PPP1R15B: variants seen among roughly 807,000 people sequenced by gnomAD.
The protein encoded by PPP1R15B is protein phosphatase 1 regulatory subunit 15B, also known as protein phosphatase 1, regulatory (inhibitor) subunit 15B.
Under a neutral mutation model 53.9 loss-of-function variants are expected in PPP1R15B, and 31 were observed. The ratio of observed to expected loss-of-function variants is 0.58; its 90% CI spans 0.43 to 0.78. The LOEUF is 0.78. Ranked by LOEUF, PPP1R15B falls within the 30% of genes least tolerant of loss-of-function variation. The pLI, the probability that PPP1R15B is intolerant of heterozygous loss-of-function variation, is 0.00. For synonymous variants in PPP1R15B, 345 were observed against 329.1 expected (o/e 1.05, Z -0.52); for missense variants, 928 against 849.6 (o/e 1.09, Z -1.15).
downstream of PPP1R15B, among the ~76,000 whole-genome samples, chr1:204,401,321 C>A (rs1297878525): frequency 1.3e-5 from 2 of 152,212 alleles, no homozygotes; most frequent in Non-Finnish European, 2.9e-5. Flanking sequence ...GCTGCCAACA[C>A]AGACTTAAGT....
At chr1:204,401,267 C>T (rs1478758342), downstream of PPP1R15B, among the ~76,000 whole-genome samples, 3 of 152,170 alleles carry the variant, frequency 2.0e-5, no homozygotes, top group African/African-American at 4.8e-5. Context: ...AAGAGATTTA[C>T]GTATCCTCTT....
chr1:204,405,873 G>A lies in PPP1R15B; in HGVS notation c.*219C>T. Reference sequence around the variant, plus strand: ...ACATCCAACTAAATCAAAAAAGGGAGGATTAGAAATCACACTAGTTCATCC... The same window carrying A: ...ACATCCAACTAAATCAAAAAAGGGAAGATTAGAAATCACACTAGTTCATCC... On this transcript the variant is annotated 3_prime_UTR_variant, in exon 2 of 2. Transcript: ENST00000367188. The A allele has an allele frequency of 4.6e-6, 6 of 1,305,970 alleles. No homozygotes were observed. Among genetic ancestry groups the A allele is most frequent in the Non-Finnish European group, 4.9e-6 (5 of 1,025,862 alleles). 80.9% of individuals were successfully genotyped at this position (1,305,970 alleles called of 1,614,324 possible).
In PPP1R15B at chr1:204,406,300, T is replaced by C; in HGVS notation, c.1934A>G (p.Glu645Gly). Reference protein sequence around the residue: ...HVKRKKVTFLEEVTEYYISGD... With the variant: ...HVKRKKVTFLGEVTEYYISGD... ...ACTTATATAATACTCAGTAACTTCT[T>C]CAAGGAAGGTTACCTACAAAAACAA... Residue 645 changes from glutamate to glycine, a missense_variant, in exon 2 of 2, where the codon GAA becomes GGA. Physicochemically the swap from Glu to Gly is moderately conservative, Grantham distance 98. Coordinates refer to ENST00000367188, the MANE Select transcript of PPP1R15B (RefSeq NM_032833.5). 1 of 1,613,844 alleles carries C rather than the reference T, an allele frequency of 6.2e-7. No homozygotes were observed. The highest frequency in any genetic ancestry group is 8.5e-7 in the Non-Finnish European group (1 of 1,179,804).
downstream of PPP1R15B, among the ~76,000 whole-genome samples, chr1:204,399,812 A>T (rs1273055405): frequency 6.6e-6 from 1 of 152,146 alleles, no homozygotes; most frequent in African/African-American, 2.4e-5. Flanking sequence ...CTTTGAGGTG[A>T]TTATTTGAGA....
intron 1 of PPP1R15B, among the ~76,000 whole-genome samples, chr1:204,407,351 C>T (rs2103445302): frequency 6.6e-6 from 1 of 152,246 alleles, no homozygotes; most frequent in East Asian, 1.9e-4. Context: ...TATGCTATCA[C>T]TATATATGAA....
chr1:204,410,595 C>G lies in PPP1R15B; in HGVS notation c.817G>C (p.Glu273Gln). ...CCCTGCCACGAGGCCGGAATGAGTTCTGCACTCAGCGGCTGGGGATGACAA... is the reference window on the plus strand; with the variant it reads ...CCCTGCCACGAGGCCGGAATGAGTTGTGCACTCAGCGGCTGGGGATGACAA... ...DHCHPQPLSAELIPASWQGCP... is the reference protein window; with the variant it reads ...DHCHPQPLSAQLIPASWQGCP... The change falls in exon 1 of 2, where the codon GAA becomes CAA. Residue 273 changes from glutamate (E) to glutamine (Q), a missense_variant. Glu to Gln is a conservative substitution (Grantham distance 29). Transcript: ENST00000367188. 3.7e-6 allele frequency: 6 copies of G among 1,613,978 alleles called. No individual in the cohort carries two copies. The highest frequency in any genetic ancestry group is 5.1e-6 in the Non-Finnish European group (6 of 1,179,912).
chr1:204,409,695 C>G lies in PPP1R15B; in HGVS notation c.1717G>C (p.Ala573Pro), dbSNP rs749898755. 57 of 1,613,876 alleles carry G rather than the reference C, an allele frequency of 3.5e-5. No individual in the cohort carries two copies. The highest frequency in any genetic ancestry group is 3.0e-4 in the Admixed American group (18 of 59,982). Residue 573 changes from alanine (A) to proline (P), a missense_variant, in exon 1 of 2, where the codon GCT becomes CCT. Physicochemically the swap from Ala to Pro is conservative, Grantham distance 27 (BLOSUM62 -1). Transcript: ENST00000367188. ...DDPYNPLNFK[A>P]PFQTSGENEK... ...TTTTCCCCTGATGTTTGAAAAGGAG[C>G]CTTAAAATTTAAAGGGTTGTAGGGG...
Position 204,411,254 on chromosome 1 carries a change from G to C in PPP1R15B, c.158C>G (p.Ser53Cys), listed in dbSNP as rs1558217780. Reference sequence around the variant, plus strand: ...ACTGACCCGAGTCTCGGGCTGGGCAGAGGAAAGCAGTGTGGGGTTCCCGGA... The same window carrying C: ...ACTGACCCGAGTCTCGGGCTGGGCACAGGAAAGCAGTGTGGGGTTCCCGGA... ...ENSGNPTLLS[S>C]AQPETRVSYW... Residue 53 changes from serine to cysteine, a missense_variant, in exon 1 of 2, where the codon TCT (serine) becomes TGT (cysteine). By Grantham distance (112) the Ser-to-Cys change is moderately radical (BLOSUM62 -1). Transcript: ENST00000367188. 6.2e-7 allele frequency: 1 copy of C among 1,614,268 alleles called. No individual in the cohort carries two copies. Among genetic ancestry groups the C allele is most frequent in the Non-Finnish European group, 8.5e-7 (1 of 1,180,044 alleles).
chr1:204,403,565 G>A lies in PPP1R15B; in HGVS notation c.*2527C>T. ...CTTAAATTATACAAAAATAAAATCT[G>A]ATAGTTTTGATTTCAAGTTAAAGAT... On this transcript the variant is annotated 3_prime_UTR_variant, in exon 2 of 2. Transcript: ENST00000367188. 2.0e-6 allele frequency: 2 copies of A among 982,122 alleles called. No individual in the cohort carries two copies. 60.8% of individuals were successfully genotyped at this position (982,122 alleles called of 1,614,324 possible).
downstream of PPP1R15B, among the ~76,000 whole-genome samples, chr1:204,400,220 C>G (rs1415355645): frequency 1.6e-5 from 2 of 124,836 alleles, no homozygotes; most frequent in Non-Finnish European, 3.2e-5. Context: ...GCCTGGGTGA[C>G]AGTGAGACAC....
downstream of PPP1R15B, among the ~76,000 whole-genome samples, chr1:204,397,768 T>C (rs1241263077): frequency 6.6e-6 from 1 of 152,080 alleles, no homozygotes; most frequent in Non-Finnish European, 1.5e-5. Context: ...CATAATGAAG[T>C]GCCTTTCATA....
At chr1:204,402,729 G>C (rs553496142), downstream of PPP1R15B, among the ~76,000 whole-genome samples, 92 of 151,414 alleles carry the variant, frequency 6.1e-4, no homozygotes, top group Middle Eastern at 3.4e-3. Context: ...GCCCACTTTT[G>C]TAAATGAGAG....
At chr1:204,397,797 C>T (rs538733105), downstream of PPP1R15B, among the ~76,000 whole-genome samples, 6 of 151,894 alleles carry the variant, frequency 4.0e-5, 1 homozygote, top group African/African-American at 7.2e-5. Context: ...AATGTTTCAG[C>T]GAACCTTAGG....
chr1:204,404,128 C>T lies in PPP1R15B; in HGVS notation c.*1964G>A. The T allele has an allele frequency of 1.0e-6, 1 of 985,362 alleles. No homozygotes were observed. The highest frequency in any genetic ancestry group is 1.2e-6 in the Non-Finnish European group (1 of 829,904). The allele number at this position is 985,362 out of a possible 1,614,324, so 61.0% of individuals were successfully genotyped here. ...CAAATGACGCCTGCTTTCCAACCGA[C>T]ATTGCTGTTGCTTGAAACTAGCCTG... is the stretch of plus-strand genomic sequence containing the variant. On this transcript the variant is annotated 3_prime_UTR_variant, in exon 2 of 2. Transcript: ENST00000367188.
chr1:204,411,543 G>A lies in PPP1R15B; in HGVS notation c.-132C>T. The A allele has an allele frequency of 7.8e-7, 1 of 1,286,132 alleles. No homozygotes were observed. Among genetic ancestry groups the A allele is most frequent in the South Asian group, 1.4e-5 (1 of 70,030 alleles). The allele number at this position is 1,286,132 out of a possible 1,614,324, so 79.7% of individuals were successfully genotyped here. ...GTCGCTGCTCCAGGCCGATCTTCGA[G>A]CCAGCAGAAAAGCCACAGAGGGCAG... On this transcript the variant is annotated 5_prime_UTR_variant, in exon 1 of 2. Transcript: ENST00000367188.
downstream of PPP1R15B, among the ~76,000 whole-genome samples, chr1:204,397,761 A>G (rs2103437742): frequency 6.6e-6 from 1 of 152,310 alleles, no homozygotes; most frequent in East Asian, 1.9e-4. Context: ...TATCCTGCAT[A>G]ATGAAGTGCC....
At position 204,410,336 on chromosome 1, in the gene PPP1R15B, T is replaced by C. The variant is rs781421186; in HGVS notation, c.1076A>G (p.Glu359Gly). 29 of 1,614,080 alleles carry C rather than the reference T, an allele frequency of 1.8e-5. No homozygotes were observed. The highest frequency in any genetic ancestry group is 4.4e-5 in the South Asian group (4 of 91,088). ...AAGDIPGNTQ[E>G]STEEKIELLT... The stretch of plus-strand genomic sequence containing the variant: ...TAATTCTATTTTTTCTTCAGTGGAT[T>C]CCTGGGTGTTTCCAGGAATGTCTCC... The change falls in exon 1 of 2, where the codon GAA (glutamate) becomes GGA (glycine). Residue 359 changes from glutamate (E) to glycine (G), a missense_variant. Transcript: ENST00000367188.
In PPP1R15B at chr1:204,411,325, C is replaced by T; in HGVS notation, c.87G>A (p.Ser29=). The T allele has an allele frequency of 6.2e-7, 1 of 1,614,130 alleles. No homozygotes were observed. Among genetic ancestry groups the T allele is most frequent in the East Asian group, 2.2e-5 (1 of 44,888 alleles). The change falls in exon 1 of 2, where the codon TCG becomes TCA. Residue 29 remains serine, a synonymous_variant. Transcript: ENST00000367188. ...TCGGGAACTTAGAAGAGCCTGCTTG[C>T]GATCGCCGAGGGAAAAAGGGTGGCC... ...RFWPPFFPRR[S]QAGSSKFPTP...
At chr1:204,402,301 G>C (rs890969089), downstream of PPP1R15B, among the ~76,000 whole-genome samples, 9 of 152,040 alleles carry the variant, frequency 5.9e-5, no homozygotes, top group African/African-American at 1.9e-4. Flanking sequence ...TCCATTAATA[G>C]GGTTGCCATA....
Sources: allele counts gnomAD v4.1 joint callset (sites outside exome capture counted in the v4.1 genomes callset), GRCh38; gene constraint gnomAD v4.1.1; transcripts MANE v1.5; gene names NCBI Gene and HGNC (gene_info 2026-07-23, HGNC 2026-07-21).